The following CNGA1 variants were observed in gnomAD, a reference collection of about 807,000 sequenced individuals.
CNGA1 encodes the protein cyclic nucleotide-gated channel alpha-1.
CNGA1 carries 53 observed loss-of-function variants against 69.7 expected under a neutral mutation model. The observed-to-expected ratio is 0.76, with a 90% CI of 0.61 to 0.96. The LOEUF is 0.96. CNGA1 is among the 40% of genes least tolerant of loss of function. CNGA1 has a pLI of 0.00. For synonymous variants in CNGA1, 249 were observed against 283.5 expected (o/e 0.88, Z 1.22); for missense variants, 739 against 811.2 (o/e 0.91, Z 1.08).
At chr4:47,998,717 G>A (rs1285328146) in intron 2 of CNGA1, among the ~76,000 whole-genome samples, 1 of 152,180 alleles carries the variant, frequency 6.6e-6, no homozygotes, top group African/African-American at 2.4e-5. Flanking sequence ...GGTGGAAGTT[G>A]CAGTGAGCAG....
At chr4:47,991,969 T>C (rs964274995) in intron 2 of CNGA1, among the ~76,000 whole-genome samples, 1 of 152,142 alleles carries the variant, frequency 6.6e-6, no homozygotes, top group African/African-American at 2.4e-5. Flanking sequence ...TGAAGATCAG[T>C]TGGCTGCAAG....
At chr4:47,988,098 C>A (rs1578115628) in intron 2 of CNGA1, among the ~76,000 whole-genome samples, 1 of 152,186 alleles carries the variant, frequency 6.6e-6, no homozygotes, top group East Asian at 1.9e-4. Flanking sequence ...GGGTCAGATT[C>A]TTGATATATT....
intron 6 of CNGA1, among the ~76,000 whole-genome samples, chr4:47,946,374 T>C (rs1181072439): frequency 1.3e-5 from 2 of 152,242 alleles, no homozygotes; most frequent in Non-Finnish European, 2.9e-5. Flanking sequence ...TCATTGTGAA[T>C]GTCATTTTTC....
chr4:47,936,809 G>A lies in CNGA1; in HGVS notation c.1673C>T (p.Thr558Met), dbSNP rs151223668. 115 of 1,614,106 alleles carry A rather than the reference G, an allele frequency of 7.1e-5. 1 individual carries two copies. The highest frequency in any genetic ancestry group is 6.7e-4 in the East Asian group (30 of 44,878). Residue 558 changes from threonine to methionine, a missense_variant, in exon 11 of 11, where the codon ACG (threonine) becomes ATG (methionine). Thr to Met is a moderately conservative substitution (Grantham distance 81). Coordinates refer to ENST00000514170, the MANE Select transcript of CNGA1 (RefSeq NM_001379270.1). ...GTAGCCAATACTTTTAATATTGGCC[G>A]TTCTTCGATTGCCAGCTTTGCTCCC... The part of the protein sequence containing the change: ...IKGSKAGNRR[T>M]ANIKSIGYSD...
chr4:47,994,034 T>C (rs567384000), intron 2 of CNGA1, among the ~76,000 whole-genome samples: 2 of 152,112 alleles, frequency 1.3e-5, no homozygotes, highest in South Asian at 4.1e-4. Flanking sequence ...CACTGTGGTC[T>C]GAGAGTGCCT....
At chr4:47,976,828 A>T (rs1450125296) in intron 3 of CNGA1, among the ~76,000 whole-genome samples, 1 of 152,192 alleles carries the variant, frequency 6.6e-6, no homozygotes, top group Non-Finnish European at 1.5e-5. Context: ...AGAAAATAGA[A>T]TGTTGATTAA....
chr4:47,975,642 T>G (rs879429488), intron 3 of CNGA1, among the ~76,000 whole-genome samples: 3 of 152,158 alleles, frequency 2.0e-5, no homozygotes. Context: ...CCTGTTATAA[T>G]CCCAGTATCT....
chr4:47,991,736 C>G (rs1327677322), intron 2 of CNGA1, among the ~76,000 whole-genome samples: 1 of 152,072 alleles, frequency 6.6e-6, no homozygotes, highest in African/African-American at 2.4e-5. Context: ...CATGAAAACT[C>G]TGCCTAAGCC....
chr4:47,951,451 A>G lies in CNGA1; in HGVS notation c.126T>C (p.Asp42=), dbSNP rs758449895. ...NGACSSFSED[D]DSASTSEESE... ...ATTCTTCAGATGTAGAGGCACTGTC[A>G]TCATCCTCAGAAAAGGAGCTACAGT... The change falls in exon 5 of 11, where the codon GAT becomes GAC. Residue 42 remains aspartate (D), a synonymous_variant. Coordinates refer to ENST00000514170, the MANE Select transcript of CNGA1 (RefSeq NM_001379270.1). 30 of 1,612,796 alleles carry G rather than the reference A, an allele frequency of 1.9e-5. No individual in the cohort carries two copies. Among genetic ancestry groups the G allele is most frequent in the Non-Finnish European group, 2.4e-5 (28 of 1,178,890 alleles).
chr4:47,955,509 T>C (rs1740037136), intron 3 of CNGA1, among the ~76,000 whole-genome samples: 1 of 152,078 alleles, frequency 6.6e-6, no homozygotes, highest in Admixed American at 6.6e-5. Flanking sequence ...TAATGATTGG[T>C]CTATGCTATG....
chr4:47,957,091 G>A (rs1202751028), intron 3 of CNGA1, among the ~76,000 whole-genome samples: 3 of 151,936 alleles, frequency 2.0e-5, no homozygotes, highest in African/African-American at 7.3e-5. Flanking sequence ...ATGCCACCAT[G>A]CCTGGCTAAT....
At chr4:47,948,446 T>C (rs2110152163) in intron 6 of CNGA1, among the ~76,000 whole-genome samples, 1 of 152,298 alleles carries the variant, frequency 6.6e-6, no homozygotes, top group Non-Finnish European at 1.5e-5. Context: ...GGGGTCTAAG[T>C]AGGGGTGACA....
chr4:47,971,893 A>AAAACAAACAAAC (rs112046660), intron 3 of CNGA1, among the ~76,000 whole-genome samples: 1 of 147,440 alleles, frequency 6.8e-6, no homozygotes, highest in Non-Finnish European at 1.5e-5. Flanking sequence ...GACTCTCTGA[A>AAAACAAACAAAC]AAACAAACAA....
chr4:48,009,078 G>A (rs1238536010), intron 2 of CNGA1, among the ~76,000 whole-genome samples: 1 of 152,168 alleles, frequency 6.6e-6, no homozygotes, highest in Non-Finnish European at 1.5e-5. Flanking sequence ...GTATGAAATT[G>A]CTTGATTAAT....
intron 2 of CNGA1, among the ~76,000 whole-genome samples, chr4:48,002,486 G>C (rs1309314581): frequency 1.3e-5 from 2 of 152,058 alleles, no homozygotes; most frequent in East Asian, 3.9e-4. Context: ...CTCCTCCAAA[G>C]GTCTTAGGTC....
At chr4:47,966,576 G>A (rs1276560379) in intron 3 of CNGA1, among the ~76,000 whole-genome samples, 1 of 152,170 alleles carries the variant, frequency 6.6e-6, no homozygotes, top group Non-Finnish European at 1.5e-5. Flanking sequence ...ATCACACCTT[G>A]TGAAACATTA....
rs1185641070 is a variant in CNGA1 at position 47,937,400 on chromosome 4, TC to T, written c.1081del (p.Glu361LysfsTer6). ...WSTLTLTTIG[E>X]TPPPVRDSEY... ...AGAATCCCTCACGGGAGGGGGTGTT[TC>T]ACCAATGGTAGTCAAAGTCAGTGTA... is the stretch of plus-strand genomic sequence containing the variant. On this transcript the variant is annotated frameshift_variant, in exon 11 of 11. Transcript: ENST00000514170. LOFTEE classifies it high-confidence loss of function. The T allele has an allele frequency of 6.2e-7, 1 of 1,614,186 alleles. No homozygotes were observed. The highest frequency in any genetic ancestry group is 8.5e-7 in the Non-Finnish European group (1 of 1,180,040).
intron 2 of CNGA1, among the ~76,000 whole-genome samples, chr4:47,992,054 G>C (rs1481911755): frequency 6.6e-6 from 1 of 152,124 alleles, no homozygotes; most frequent in African/African-American, 2.4e-5. Flanking sequence ...GTATCATGCT[G>C]TTTTGGTGAC....
At chr4:47,966,685 C>A (rs1740742445) in intron 3 of CNGA1, among the ~76,000 whole-genome samples, 1 of 152,126 alleles carries the variant, frequency 6.6e-6, no homozygotes, top group South Asian at 2.1e-4. Flanking sequence ...TTGCTGTTAA[C>A]TGCTTGATAT....
Sources: allele counts gnomAD v4.1 joint callset (sites outside exome capture counted in the v4.1 genomes callset), GRCh38; gene constraint gnomAD v4.1.1; transcripts MANE v1.5; gene names NCBI Gene and HGNC (gene_info 2026-07-23, HGNC 2026-07-21).